GLG1: variants seen among roughly 807,000 people sequenced by gnomAD.
GLG1 encodes the protein Golgi apparatus protein 1.
GLG1 carries 38 observed loss-of-function variants against 160.5 expected under a neutral mutation model. That is an observed-to-expected ratio of 0.24 (90% CI 0.18 to 0.31). The LOEUF is 0.31. GLG1 is among the 10% of genes least tolerant of loss of function. The pLI, the probability that GLG1 is intolerant of heterozygous loss-of-function variation, is 1.00. For synonymous variants in GLG1, 644 were observed against 543.4 expected, an observed-to-expected ratio of 1.19 and a Z score of -2.57; for missense variants, 1,373 against 1,505.2, an observed-to-expected ratio of 0.91 and a Z score of 1.45.
At chr16:74,528,035 C>T (rs1473351387) in intron 2 of GLG1, among the ~76,000 whole-genome samples, 1 of 151,320 alleles carries the variant, frequency 6.6e-6, no homozygotes, top group African/African-American at 2.4e-5. Flanking sequence ...CAGATGCCCA[C>T]CACCACACCT....
chr16:74,477,536 G>A lies in GLG1; in HGVS notation c.1828-3C>T, dbSNP rs754739443. ...TCAGCTCGGCACTCCCGTGAGAGCT[G>A]CATGAGAAAAAATGAGCTAAATACT... On this transcript the variant is annotated splice_region_variant and splice_polypyrimidine_tract_variant and intron_variant, in intron 11 of 25. Transcript: ENST00000422840. The A allele has an allele frequency of 1.5e-5, 24 of 1,607,608 alleles. No individual in the cohort carries two copies. The highest frequency in any genetic ancestry group is 2.0e-5 in the Non-Finnish European group (24 of 1,176,856).
At chr16:74,579,462 C>T (rs991000994) in intron 1 of GLG1, among the ~76,000 whole-genome samples, 4 of 152,112 alleles carry the variant, frequency 2.6e-5, no homozygotes, top group African/African-American at 9.7e-5. Flanking sequence ...TGGCTCACGT[C>T]TGTAATCCCA....
intron 1 of GLG1, among the ~76,000 whole-genome samples, chr16:74,596,402 G>A (rs977532122): frequency 1.3e-5 from 2 of 151,754 alleles, no homozygotes; most frequent in African/African-American, 4.8e-5. Context: ...GGTGGCGTGT[G>A]CCTGTAAACC....
intron 1 of GLG1, among the ~76,000 whole-genome samples, chr16:74,586,825 A>G (rs1442054340): frequency 6.6e-6 from 1 of 151,872 alleles, no homozygotes; most frequent in Non-Finnish European, 1.5e-5. Context: ...CCTACCAAGT[A>G]GCTGGGATTA....
intron 2 of GLG1, among the ~76,000 whole-genome samples, chr16:74,529,808 A>AG (rs2017468419): frequency 1.2e-5 from 1 of 84,278 alleles, no homozygotes; most frequent in Non-Finnish European, 2.2e-5. Flanking sequence ...GCTCTTTGAG[A>AG]GTTCTTTTTT....
chr16:74,585,302 G>C (rs145867524), intron 1 of GLG1, among the ~76,000 whole-genome samples: 1 of 151,754 alleles, frequency 6.6e-6, no homozygotes, highest in Non-Finnish European at 1.5e-5. Flanking sequence ...CCAGCTACTC[G>C]GGAGACTGAG....
chr16:74,581,396 G>T (rs1356791133), intron 1 of GLG1, among the ~76,000 whole-genome samples: 1 of 151,940 alleles, frequency 6.6e-6, no homozygotes, highest in African/African-American at 2.4e-5. Context: ...AGACATAAAA[G>T]GACAAATATC....
At chr16:74,461,846 A>G (rs1004278618) in intron 22 of GLG1, 1 of 358,838 alleles carries the variant, frequency 2.8e-6, no homozygotes, top group African/African-American at 2.1e-5. Context: ...AAATTTACAG[A>G]GAGCTATAAT....
At chr16:74,470,139 C>A (rs2015143920) in intron 15 of GLG1, 66 bp from the exon 16 acceptor site, 1 of 933,930 alleles carries the variant, frequency 1.1e-6, no homozygotes, top group East Asian at 2.4e-5. Flanking sequence ...TGGTAGGGCG[C>A]ACTTTTTCAT....
chr16:74,550,799 A>C (rs7205813), intron 1 of GLG1, among the ~76,000 whole-genome samples: 102,253 of 151,856 alleles, frequency 0.67, 34,657 homozygotes, highest in East Asian at 0.81. Context: ...TAAAGGTGAA[A>C]TATACAGAAA....
intron 1 of GLG1, among the ~76,000 whole-genome samples, chr16:74,534,737 C>T (rs895290644): frequency 2.0e-5 from 3 of 152,066 alleles, no homozygotes; most frequent in African/African-American, 7.2e-5. Context: ...CTGCTATAAA[C>T]TGAGTATACA....
Position 74,452,520 on chromosome 16 carries a change from T to A in GLG1, c.*647A>T. The stretch of plus-strand genomic sequence containing the variant: ...TGGGGCTGTGACCAGCAGTGGCTGA[T>A]TAGGGTGGAAACTGGAAAGCGTCAC... On this transcript the variant is annotated 3_prime_UTR_variant, in exon 26 of 26. Coordinates refer to ENST00000422840, the MANE Select transcript of GLG1 (RefSeq NM_001145667.2). 1 of 1,016,462 alleles carries A rather than the reference T, an allele frequency of 9.8e-7. No individual in the cohort carries two copies. The highest frequency in any genetic ancestry group is 1.2e-6 in the Non-Finnish European group (1 of 847,820). 63.0% of individuals were successfully genotyped at this position (1,016,462 alleles called of 1,614,324 possible).
chr16:74,470,185 G>A (rs2015146121), intron 15 of GLG1, 112 bp from the exon 16 acceptor site: 22 of 726,568 alleles, frequency 3.0e-5, no homozygotes, highest in Non-Finnish European at 5.0e-5. Flanking sequence ...GACCCTGCAT[G>A]GCTTGACCCA....
chr16:74,579,319 A>G lies in GLG1; in HGVS notation c.438+27338T>C, dbSNP rs566303656. ...AGCTCCTGGGGTGGTGGAGGCTGAGACAGGAGGATCACCTGAGCCTTGGGA... is the reference window on the plus strand; with the variant it reads ...AGCTCCTGGGGTGGTGGAGGCTGAGGCAGGAGGATCACCTGAGCCTTGGGA... On this transcript the variant is annotated intron_variant, in intron 1 of 25. Coordinates refer to ENST00000422840, the MANE Select transcript of GLG1 (RefSeq NM_001145667.2). Among the ~76,000 whole-genome samples, 43 of 151,116 alleles carry G rather than the reference A, an allele frequency of 2.8e-4. No individual in the cohort carries two copies. In the South Asian group the frequency reaches 4.0e-3, roughly 14 times the overall value.
intron 1 of GLG1, among the ~76,000 whole-genome samples, chr16:74,595,830 T>G (rs994248294): frequency 1.3e-5 from 2 of 152,080 alleles, no homozygotes; most frequent in African/African-American, 4.8e-5. Context: ...ATAAACAATA[T>G]AAAAATTATT....
intron 1 of GLG1, among the ~76,000 whole-genome samples, chr16:74,560,409 C>T (rs569949703): frequency 6.9e-6 from 1 of 145,690 alleles, no homozygotes; most frequent in East Asian, 2.1e-4. Context: ...CTCACTGCAA[C>T]CTCCGTCTTC....
intron 22 of GLG1, among the ~76,000 whole-genome samples, chr16:74,460,308 A>G (rs2014738955): frequency 1.3e-5 from 2 of 152,154 alleles, no homozygotes; most frequent in Admixed American, 6.5e-5. Context: ...GGCATGAGCC[A>G]CCGCAACTGG....
chr16:74,567,554 CTTTTTTTTTTTTTT>C (rs869140658), intron 1 of GLG1, among the ~76,000 whole-genome samples: 3 of 66,452 alleles, frequency 4.5e-5, no homozygotes, highest in Admixed American at 2.3e-4. Flanking sequence ...GGTGCACTTT[CTTTTTTTTTTTTTT>C]TTTTTTTTTT....
chr16:74,497,501 T>A (rs2016240189), intron 4 of GLG1, among the ~76,000 whole-genome samples: 1 of 144,482 alleles, frequency 6.9e-6, no homozygotes, highest in Non-Finnish European at 1.5e-5. Flanking sequence ...GCAGTGGCGC[T>A]ATCTCGGCTC....
Sources: gnomAD v4.1 joint callset for allele counts (sites outside exome capture counted in the v4.1 genomes callset) on GRCh38, gnomAD v4.1.1 for gene constraint, MANE v1.5 for transcripts, NCBI Gene and HGNC (gene_info 2026-07-23, HGNC 2026-07-21) for gene names.